The following DCUN1D4 variants were observed in gnomAD, a reference collection of about 807,000 sequenced individuals.
DCUN1D4 encodes the protein defective in cullin neddylation 1 domain containing 4, also known as DCN1-like protein 4.
Under a neutral mutation model 47.9 loss-of-function variants are expected in DCUN1D4, and 22 were observed. That is an observed-to-expected ratio of 0.46 (90% CI 0.33 to 0.66). The LOEUF (loss-of-function observed/expected upper bound fraction) is 0.66, where lower values mean the gene tolerates loss of function less well. Ranked by LOEUF, DCUN1D4 falls within the 30% of genes least tolerant of loss-of-function variation. DCUN1D4 has a pLI of 0.02. For synonymous variants in DCUN1D4, 121 were observed against 112.2 expected (o/e 1.08, Z -0.50); for missense variants, 301 against 340.8 (o/e 0.88, Z 0.92).
upstream of DCUN1D4, among the ~76,000 whole-genome samples, chr4:51,842,695 C>T (rs1721790994): frequency 6.6e-6 from 1 of 152,214 alleles, no homozygotes; most frequent in African/African-American, 2.4e-5. Context: ...CATTTCCCTA[C>T]TTCCAGCAGC....
chr4:51,855,300 T>C (rs562492096), intron 1 of DCUN1D4, among the ~76,000 whole-genome samples: 2 of 152,250 alleles, frequency 1.3e-5, no homozygotes, highest in African/African-American at 4.8e-5. Context: ...ATTATTAGAT[T>C]GTGGTGATGT....
chr4:51,887,905 T>G (rs1319843399), intron 6 of DCUN1D4, among the ~76,000 whole-genome samples: 3 of 133,404 alleles, frequency 2.2e-5, no homozygotes, highest in African/African-American at 8.8e-5. Context: ...TTTTTTTTGG[T>G]TTTTTTTTTT....
chr4:51,872,537 C>T (rs1727056782), intron 3 of DCUN1D4, among the ~76,000 whole-genome samples: 1 of 152,206 alleles, frequency 6.6e-6, no homozygotes, highest in South Asian at 2.1e-4. Context: ...ATTGAACACT[C>T]CCTTCTCAAA....
Position 51,892,040 on chromosome 4 carries a change from G to A in DCUN1D4, c.506+189G>A, listed in dbSNP as rs542893524. 6.0e-4 allele frequency among the ~76,000 whole-genome samples: 92 copies of A among 152,294 alleles called. 1 individual carries two copies. The highest frequency in any genetic ancestry group is 6.8e-3 in the Middle Eastern group (2 of 294). ...ACTATTCTGGGCAAATTTATAAAGT[G>A]TCTATATGTGTATTTGGAGCGAGAG... is the stretch of plus-strand genomic sequence containing the variant. On this transcript the variant is annotated intron_variant, in intron 7 of 10. Transcript: ENST00000334635.
At chr4:51,903,778 C>G (rs1352904606) in intron 8 of DCUN1D4, among the ~76,000 whole-genome samples, 1 of 152,076 alleles carries the variant, frequency 6.6e-6, no homozygotes, top group Non-Finnish European at 1.5e-5. Flanking sequence ...TTCATCTCAA[C>G]CAGTATATTT....
At chr4:51,893,022 A>C (rs531824651) in intron 7 of DCUN1D4, among the ~76,000 whole-genome samples, 1 of 152,222 alleles carries the variant, frequency 6.6e-6, no homozygotes, top group Admixed American at 6.5e-5. Context: ...ACTGTTCACT[A>C]TTCTCCCATT....
intron 8 of DCUN1D4, among the ~76,000 whole-genome samples, chr4:51,901,749 T>C (rs1301017420): frequency 1.3e-5 from 2 of 152,246 alleles, no homozygotes; most frequent in African/African-American, 4.8e-5. Flanking sequence ...TCCTGGCAGA[T>C]TGAGGGACTC....
intron 9 of DCUN1D4, among the ~76,000 whole-genome samples, chr4:51,912,839 C>T (rs1199413449): frequency 1.3e-5 from 2 of 152,186 alleles, no homozygotes; most frequent in Non-Finnish European, 2.9e-5. Context: ...TGGCCATGGG[C>T]AGTGCTGGTT....
chr4:51,908,314 A>G (rs1039489864), intron 8 of DCUN1D4, among the ~76,000 whole-genome samples: 1 of 152,196 alleles, frequency 6.6e-6, no homozygotes, highest in Non-Finnish European at 1.5e-5. Flanking sequence ...TGAAATACCT[A>G]CATACACATT....
At chr4:51,881,057 G>C (rs1316045343) in intron 5 of DCUN1D4, among the ~76,000 whole-genome samples, 1 of 152,188 alleles carries the variant, frequency 6.6e-6, no homozygotes, top group African/African-American at 2.4e-5. Flanking sequence ...GAACCCGGGA[G>C]GCAGAGGTTG....
At chr4:51,894,276 G>A (rs972007050) in intron 7 of DCUN1D4, among the ~76,000 whole-genome samples, 4 of 152,090 alleles carry the variant, frequency 2.6e-5, no homozygotes, top group Non-Finnish European at 5.9e-5. Context: ...TCTTTGTAGT[G>A]TCCTCATCAG....
At chr4:51,834,230 A>G in the DCUN1D4 span, among the ~76,000 whole-genome samples, 1 of 148,690 alleles carries the variant, frequency 6.7e-6, no homozygotes, top group Non-Finnish European at 1.5e-5. Flanking sequence ...AGGGAATGAG[A>G]CGTTGGAAAA....
chr4:51,877,658 A>G (rs1727907576), intron 4 of DCUN1D4, 105 bp from the exon 5 acceptor site: 2 of 710,614 alleles, frequency 2.8e-6, no homozygotes, highest in African/African-American at 3.6e-5. Context: ...TACTTAAAAT[A>G]CTGATTGAAT....
chr4:51,855,129 A>G (rs1006759019), intron 1 of DCUN1D4, among the ~76,000 whole-genome samples: 1 of 152,192 alleles, frequency 6.6e-6, no homozygotes. Context: ...AATATTTAAT[A>G]TAATGTCAGG....
intron 10 of DCUN1D4, 67 bp from the exon 11 acceptor site, chr4:51,913,462 G>A: frequency 6.4e-7 from 1 of 1,572,920 alleles, no homozygotes; most frequent in Non-Finnish European, 8.7e-7. Flanking sequence ...AAAAGCCTCA[G>A]CTACATTACT....
intron 1 of DCUN1D4, among the ~76,000 whole-genome samples, chr4:51,862,779 C>T (rs906341469): frequency 9.2e-5 from 14 of 151,878 alleles, no homozygotes; most frequent in South Asian, 2.1e-4. Context: ...GAGGCTGAGG[C>T]AGGAGGATCA....
At chr4:51,855,488 T>C (rs942810259) in intron 1 of DCUN1D4, among the ~76,000 whole-genome samples, 2 of 151,992 alleles carry the variant, frequency 1.3e-5, no homozygotes, top group African/African-American at 4.8e-5. Flanking sequence ...AGATGAGACA[T>C]CTCTGATGAG....
intron 3 of DCUN1D4, among the ~76,000 whole-genome samples, chr4:51,870,967 G>T (rs1726797825): frequency 6.6e-6 from 1 of 151,942 alleles, no homozygotes; most frequent in Non-Finnish European, 1.5e-5. Context: ...TCCCTTGCCT[G>T]GATCTGAGTT....
At chr4:51,850,585 A>T (rs975196364) in intron 1 of DCUN1D4, among the ~76,000 whole-genome samples, 1 of 152,132 alleles carries the variant, frequency 6.6e-6, no homozygotes, top group Admixed American at 6.5e-5. Context: ...CCAAGTGTTT[A>T]TTGGGTATCT....
Sources: gnomAD v4.1 joint callset for allele counts (sites outside exome capture counted in the v4.1 genomes callset) on GRCh38, gnomAD v4.1.1 for gene constraint, MANE v1.5 for transcripts, NCBI Gene and HGNC (gene_info 2026-07-23, HGNC 2026-07-21) for gene names.